The following SUV39H1 variants were observed in gnomAD, a reference collection of about 807,000 sequenced individuals.
The protein encoded by SUV39H1 is SUV39H1 histone lysine methyltransferase, also known as histone-lysine N-methyltransferase SUV39H1.
For missense variants in SUV39H1, 180 were observed against 386.3 expected (o/e 0.47, Z 4.48); for synonymous variants, 141 against 150.5 (o/e 0.94, Z 0.46).
In SUV39H1 at chrX:48,700,453, G is replaced by C. The variant is rs781875586; in HGVS notation, c.528G>C (p.Gln176His). Reference sequence around the variant, plus strand: ...TTGGTGAGGGCATCACCCTCAACCAGGTGGCTGTGGGCTGCGAGTGCCAGG... The same window carrying C: ...TTGGTGAGGGCATCACCCTCAACCACGTGGCTGTGGGCTGCGAGTGCCAGG... Reference protein sequence around the residue: ...YRVGEGITLNQVAVGCECQDC... With the variant: ...YRVGEGITLNHVAVGCECQDC... Residue 176 changes from glutamine (Q) to histidine (H), a missense_variant, in exon 3 of 6, where the codon CAG becomes CAC. Gln to His is a conservative substitution (Grantham distance 24). Transcript: ENST00000376687. The C allele has an allele frequency of 8.2e-7, 1 of 1,212,306 alleles. No homozygotes were observed. The highest frequency in any genetic ancestry group is 1.1e-6 in the Non-Finnish European group (1 of 895,604).
At chrX:48,707,365 TCCTCCCTCCCTCCTTCTCCC>T in intron 5 of SUV39H1, 52 bp from the exon 6 acceptor site, 1 of 1,032,949 alleles carries the variant, frequency 9.7e-7, no homozygotes, top group Non-Finnish European at 1.3e-6. Flanking sequence ...TTCCCTACCT[TCCTCCCTCCCTCCTTCTCCC>T]CCTCCCTCCC....
intron 2 of SUV39H1, 124 bp downstream of exon 2, chrX:48,699,171 A>T: frequency 1.3e-6 from 1 of 796,268 alleles, no homozygotes; most frequent in Non-Finnish European, 1.7e-6. Flanking sequence ...CCCTGAAAAC[A>T]CAGGATGAAT....
intron 3 of SUV39H1, among the ~76,000 whole-genome samples, chrX:48,701,962 T>C (rs2062476559): frequency 8.9e-6 from 1 of 111,902 alleles, no homozygotes; most frequent in African/African-American, 3.3e-5. Flanking sequence ...GTCCACACTG[T>C]AGCACTGATA....
rs1377281598 is a variant in SUV39H1 at position 48,696,784 on chromosome X, G to C, written c.-1G>C. The C allele has an allele frequency of 1.8e-6, 2 of 1,141,030 alleles. No homozygotes were observed. Among genetic ancestry groups the C allele is most frequent in the Non-Finnish European group, 2.3e-6 (2 of 861,674 alleles). 94.0% of individuals were successfully genotyped at this position (1,141,030 alleles called of 1,213,427 possible). On this transcript the variant is annotated 5_prime_UTR_variant, in exon 1 of 6. Coordinates refer to ENST00000376687, the MANE Select transcript of SUV39H1 (RefSeq NM_003173.4). Reference sequence around the variant, plus strand: ...CCGAATGTCGTTAGCCGTGGGGAAAGATGGCGGAAAATTTAAAAGGTGAAG... The same window carrying C: ...CCGAATGTCGTTAGCCGTGGGGAAACATGGCGGAAAATTTAAAAGGTGAAG...
intron 3 of SUV39H1, 141 bp from the exon 4 acceptor site, chrX:48,706,124 C>T (rs973717028): frequency 1.8e-5 from 15 of 835,333 alleles, no homozygotes; most frequent in Non-Finnish European, 2.3e-5. Context: ...CAGGAAGGGC[C>T]GACAGACTCT....
upstream of SUV39H1, among the ~76,000 whole-genome samples, chrX:48,696,397 G>A (rs1474352019): frequency 8.9e-6 from 1 of 112,063 alleles, no homozygotes; most frequent in Middle Eastern, 4.2e-3. Context: ...CCTGCTTGGG[G>A]TTAAAATGAG....
rs1557008647 is a variant in SUV39H1, at chrX:48,696,740, C to A, written c.-45C>A. 8.8e-7 allele frequency: 1 copy of A among 1,134,153 alleles called. No individual in the cohort carries two copies. Among genetic ancestry groups the A allele is most frequent in the South Asian group, 2.0e-5 (1 of 50,417 alleles). The allele number at this position is 1,134,153 out of a possible 1,213,427, so 93.5% of individuals were successfully genotyped here. A position where few individuals can be genotyped will look rare whatever the true frequency, so the allele number is the denominator to read the frequency against. On this transcript the variant is annotated 5_prime_UTR_variant, in exon 1 of 6. Transcript: ENST00000376687. ...CGGCCACGCCCGCGCGAGCGCTCTT[C>A]TCGCGAGGCCGGCTAGGCCCGAATG...
chrX:48,698,329 G>A (rs1602184103), intron 1 of SUV39H1, among the ~76,000 whole-genome samples: 1 of 111,695 alleles, frequency 9.0e-6, no homozygotes, highest in African/African-American at 3.3e-5. Flanking sequence ...CCACGCTGGG[G>A]GTGTTAGGTG....
chrX:48,696,685 G>C, upstream of SUV39H1: 5 of 1,069,323 alleles, frequency 4.7e-6, no homozygotes, highest in South Asian at 2.1e-5. Flanking sequence ...GCTGCGAGTC[G>C]GGAGCCGCGG....
chrX:48,705,876 G>C (rs2062489257), intron 3 of SUV39H1, among the ~76,000 whole-genome samples: 1 of 112,506 alleles, frequency 8.9e-6, no homozygotes, highest in African/African-American at 3.2e-5. Context: ...GTGGCACCCT[G>C]GGTCACTTTC....
At chrX:48,700,062 ACCCCCGT>A in intron 2 of SUV39H1, 22 bp from the exon 3 acceptor site, 1 of 1,110,633 alleles carries the variant, frequency 9.0e-7, no homozygotes, top group Non-Finnish European at 1.2e-6. Context: ...TACTTACGGT[ACCCCCGT>A]CCCCCTACCC....
In SUV39H1 at chrX:48,698,999, C is replaced by T. The variant is rs2062465369; in HGVS notation, c.117C>T (p.Asn39=). 3 of 1,208,973 alleles carry T rather than the reference C, an allele frequency of 2.5e-6. No individual in the cohort carries two copies. The highest frequency in any genetic ancestry group is 1.8e-5 in the South Asian group (1 of 56,549). Reference sequence around the variant, plus strand: ...CTGCCCTCGGTATCTCTAAGAGGAACCTCTATGACTTTGAAGTCGAGTACC... The same window carrying T: ...CTGCCCTCGGTATCTCTAAGAGGAATCTCTATGACTTTGAAGTCGAGTACC... The part of the protein sequence containing the change: ...SCPALGISKR[N]LYDFEVEYLC... Residue 39 remains asparagine (N), a synonymous_variant, in exon 2 of 6, where the codon AAC becomes AAT. Coordinates refer to ENST00000376687, the MANE Select transcript of SUV39H1 (RefSeq NM_003173.4).
chrX:48,696,246 G>A (rs3761543), upstream of SUV39H1, among the ~76,000 whole-genome samples: 28,683 of 111,436 alleles, frequency 0.26, 2,755 homozygotes, highest in South Asian at 0.29. Context: ...CCTCCAGGGA[G>A]TCGCCGCTGG....
intron 3 of SUV39H1, 137 bp from the exon 4 acceptor site, chrX:48,706,128 A>G: frequency 1.2e-6 from 1 of 859,276 alleles, no homozygotes; most frequent in Non-Finnish European, 1.6e-6. Context: ...AAGGGCCGAC[A>G]GACTCTCTGC....
intron 5 of SUV39H1, 24 bp from the exon 6 acceptor site, chrX:48,707,413 T>C: frequency 1.0e-6 from 1 of 970,984 alleles, no homozygotes; most frequent in Non-Finnish European, 1.4e-6. Context: ...TTCCCTCCTC[T>C]CCTCCCTGGC....
intron 3 of SUV39H1, among the ~76,000 whole-genome samples, chrX:48,703,475 C>T (rs1336751815): frequency 9.0e-6 from 1 of 111,707 alleles, no homozygotes; most frequent in Admixed American, 9.5e-5. Context: ...GCCCTTCCCT[C>T]CTTTGCAGCC....
chrX:48,697,788 A>C (rs1249155830), intron 1 of SUV39H1, among the ~76,000 whole-genome samples: 1 of 112,524 alleles, frequency 8.9e-6, no homozygotes, highest in Non-Finnish European at 1.9e-5. Context: ...TTGAGACATG[A>C]TTTGATAAAA....
intron 1 of SUV39H1, 31 bp from the exon 2 acceptor site, chrX:48,698,871 G>A: frequency 1.7e-6 from 2 of 1,201,340 alleles, no homozygotes; most frequent in Non-Finnish European, 2.2e-6. Context: ...AGGCTGCCCA[G>A]TAATAGTTCT....
chrX:48,696,781 A>C lies in SUV39H1; in HGVS notation c.-4A>C. 1 of 1,139,426 alleles carries C rather than the reference A, an allele frequency of 8.8e-7. No homozygotes were observed. The allele number at this position is 1,139,426 out of a possible 1,213,427, so 93.9% of individuals were successfully genotyped here. ...GGCCCGAATGTCGTTAGCCGTGGGG[A>C]AAGATGGCGGAAAATTTAAAAGGTG... On this transcript the variant is annotated 5_prime_UTR_variant, in exon 1 of 6. Coordinates refer to ENST00000376687, the MANE Select transcript of SUV39H1 (RefSeq NM_003173.4).
Sources: gnomAD v4.1 joint callset for allele counts (sites outside exome capture counted in the v4.1 genomes callset) on GRCh38, gnomAD v4.1.1 for gene constraint, MANE v1.5 for transcripts, NCBI Gene and HGNC (gene_info 2026-07-23, HGNC 2026-07-21) for gene names.